DIAPH3: variants seen among roughly 807,000 people sequenced by gnomAD.
The protein encoded by DIAPH3 is diaphanous related formin 3.
Under a neutral mutation model 144.3 loss-of-function variants are expected in DIAPH3, and 117 were observed. The ratio of observed to expected loss-of-function variants is 0.81; its 90% CI spans 0.70 to 0.95. The LOEUF is 0.95. Ranked by LOEUF, DIAPH3 falls within the 40% of genes least tolerant of loss-of-function variation. The pLI is 0.00. For synonymous variants in DIAPH3, 519 were observed against 488.9 expected, an observed-to-expected ratio of 1.06 and a Z score of -0.81; for missense variants, 1,421 against 1,412.7, an observed-to-expected ratio of 1.01 and a Z score of -0.09.
Position 60,106,275 on chromosome 13 carries a change from C to A in DIAPH3, c.390+5735G>T, listed in dbSNP as rs151040927. On this transcript the variant is annotated intron_variant, in intron 3 of 27. Coordinates refer to ENST00000400324, the MANE Select transcript of DIAPH3 (RefSeq NM_001042517.2). Reference sequence around the variant, plus strand: ...ACAAAAATCAAACCTCAGAAACAAACCCACATGTGCACAAACTTGATCTAT... The same window carrying A: ...ACAAAAATCAAACCTCAGAAACAAAACCACATGTGCACAAACTTGATCTAT... Among the ~76,000 whole-genome samples, 761 of 152,108 alleles carry A rather than the reference C, an allele frequency of 5.0e-3. 5 individuals carry two copies. Among genetic ancestry groups the A allele is most frequent in the African/African-American group, 0.017 (713 of 41,496 alleles).
chr13:59,731,884 T>A (rs1337266765), intron 27 of DIAPH3, among the ~76,000 whole-genome samples: 1 of 152,188 alleles, frequency 6.6e-6, no homozygotes, highest in African/African-American at 2.4e-5. Flanking sequence ...ATTTTTAACA[T>A]CTAGATGTCT....
chr13:59,974,305 C>T (rs1469814112), intron 15 of DIAPH3, 47 bp downstream of exon 15: 19 of 1,369,604 alleles, frequency 1.4e-5, no homozygotes, highest in Non-Finnish European at 1.9e-5. Flanking sequence ...ACCTTTGCTC[C>T]CTCACTGTGT....
intron 4 of DIAPH3, among the ~76,000 whole-genome samples, chr13:60,047,602 A>G (rs1437871738): frequency 6.6e-6 from 1 of 152,196 alleles, no homozygotes; most frequent in East Asian, 1.9e-4. Flanking sequence ...TGCTAGAACA[A>G]TTGGACTTTC....
chr13:59,734,667 C>T (rs1038092785), intron 27 of DIAPH3, among the ~76,000 whole-genome samples: 1 of 152,184 alleles, frequency 6.6e-6, no homozygotes, highest in Non-Finnish European at 1.5e-5. Flanking sequence ...GCTTTCAGTT[C>T]TCATCTGATA....
intron 23 of DIAPH3, among the ~76,000 whole-genome samples, chr13:59,836,074 C>A (rs2042029975): frequency 1.3e-5 from 2 of 151,806 alleles, no homozygotes; most frequent in South Asian, 2.1e-4. Flanking sequence ...GTAATAAATA[C>A]AGAAATATAT....
chr13:59,980,926 T>A, intron 13 of DIAPH3, 67 bp from the exon 14 acceptor site: 2 of 1,325,086 alleles, frequency 1.5e-6, no homozygotes, highest in African/African-American at 1.5e-5. Flanking sequence ...TTCAAAAGTT[T>A]AGAAAGAAAA....
intron 22 of DIAPH3, among the ~76,000 whole-genome samples, chr13:59,845,863 T>A (rs554913784): frequency 6.6e-6 from 1 of 152,346 alleles, no homozygotes; most frequent in South Asian, 2.1e-4. Context: ...TTCCTTAAGA[T>A]AAGACACCAT....
At chr13:60,055,215 C>T (rs963042877) in intron 4 of DIAPH3, among the ~76,000 whole-genome samples, 4 of 151,716 alleles carry the variant, frequency 2.6e-5, no homozygotes, top group Non-Finnish European at 5.9e-5. Context: ...CTATAAAGAA[C>T]AATTATAGTG....
At chr13:59,761,893 T>G (rs895372007) in intron 27 of DIAPH3, among the ~76,000 whole-genome samples, 2 of 151,988 alleles carry the variant, frequency 1.3e-5, no homozygotes, top group African/African-American at 4.8e-5. Flanking sequence ...TCTGGTTATA[T>G]CTTAATACAG....
At chr13:60,005,174 G>A (rs529020629) in intron 9 of DIAPH3, among the ~76,000 whole-genome samples, 8 of 152,238 alleles carry the variant, frequency 5.3e-5, no homozygotes, top group South Asian at 2.1e-4. Flanking sequence ...ATTATGTGGC[G>A]ATTTTTTAAA....
At chr13:59,819,411 T>C (rs1307962732) in intron 24 of DIAPH3, among the ~76,000 whole-genome samples, 1 of 151,884 alleles carries the variant, frequency 6.6e-6, no homozygotes, top group Admixed American at 6.6e-5. Context: ...GTTTTTAAAA[T>C]AGTTTGTTGT....
chr13:59,802,060 G>C (rs2039927866), intron 25 of DIAPH3, among the ~76,000 whole-genome samples: 2 of 151,810 alleles, frequency 1.3e-5, no homozygotes, highest in South Asian at 4.2e-4. Flanking sequence ...AGGATTTAAT[G>C]TCAGAATGAC....
intron 24 of DIAPH3, among the ~76,000 whole-genome samples, chr13:59,828,477 C>G (rs2041581802): frequency 1.3e-5 from 2 of 151,770 alleles, no homozygotes; most frequent in African/African-American, 4.8e-5. Context: ...CTTGCAAACT[C>G]TCTGAGCAGC....
chr13:59,888,368 C>T (rs1171879709), intron 20 of DIAPH3, among the ~76,000 whole-genome samples: 1 of 152,084 alleles, frequency 6.6e-6, no homozygotes, highest in Non-Finnish European at 1.5e-5. Flanking sequence ...GCTTCCAGAA[C>T]TGTGAAAAAT....
chr13:59,910,715 G>A (rs1233617302), intron 20 of DIAPH3, among the ~76,000 whole-genome samples: 1 of 147,260 alleles, frequency 6.8e-6, no homozygotes, highest in African/African-American at 2.5e-5. Context: ...GGGCGACAGA[G>A]CAAGATTCTG....
rs553557367 is a variant in DIAPH3, at chr13:60,010,379, C to T, written c.908+154G>A. On this transcript the variant is annotated intron_variant, in intron 8 of 27. Transcript: ENST00000400324. ...AAGAGAAATAATTACTCAAAAATTT[C>T]CAGCCAATAAGAAACTATATTAGCT... Among the ~76,000 whole-genome samples the T allele has an allele frequency of 7.9e-5, 12 of 152,078 alleles. No homozygotes were observed. The South Asian group carries it at 2.3e-3, about 29-fold the overall frequency.
chr13:59,882,111 CAG>C (rs1277015092), intron 20 of DIAPH3, among the ~76,000 whole-genome samples: 2 of 151,960 alleles, frequency 1.3e-5, no homozygotes, highest in African/African-American at 4.8e-5. Flanking sequence ...TTTTTTGAGG[CAG>C]AGTCTCACTC....
chr13:60,013,829 A>G (rs1239643906), intron 7 of DIAPH3, among the ~76,000 whole-genome samples: 1 of 152,178 alleles, frequency 6.6e-6, no homozygotes, highest in Non-Finnish European at 1.5e-5. Context: ...CCAATCTTGA[A>G]GGGAAAAAAA....
intron 5 of DIAPH3, among the ~76,000 whole-genome samples, chr13:60,032,645 G>T (rs1044033134): frequency 5.3e-5 from 8 of 152,186 alleles, no homozygotes; most frequent in African/African-American, 1.9e-4. Flanking sequence ...CCCAGGCCTG[G>T]CCCTCAAAAC....
Sources: allele counts gnomAD v4.1 joint callset (sites outside exome capture counted in the v4.1 genomes callset), GRCh38; gene constraint gnomAD v4.1.1; transcripts MANE v1.5; gene names NCBI Gene and HGNC (gene_info 2026-07-23, HGNC 2026-07-21).